The following CTTNBP2 variants were observed in gnomAD, a reference collection of about 807,000 sequenced individuals.
CTTNBP2 encodes the protein cortactin-binding protein 2.
CTTNBP2 carries 108 observed loss-of-function variants against 156.9 expected under a neutral mutation model. That is an observed-to-expected ratio of 0.69 (90% CI 0.59 to 0.81). The LOEUF is 0.81. Among genes scored for constraint, CTTNBP2 ranks in the 30% least tolerant of loss-of-function variants. The pLI is 0.00. For missense variants in CTTNBP2, 1,924 were observed against 2,035.4 expected (o/e 0.95, Z 1.05); for synonymous variants, 767 against 751.8 (o/e 1.02, Z -0.33).
chr7:117,717,162 A>T (rs1794445453), intron 22 of CTTNBP2, among the ~76,000 whole-genome samples: 1 of 152,160 alleles, frequency 6.6e-6, no homozygotes, highest in African/African-American at 2.4e-5. Context: ...TTTATTAACC[A>T]ACTGATAATG....
At chr7:117,858,153 G>A (rs991637330) in intron 2 of CTTNBP2, among the ~76,000 whole-genome samples, 2 of 152,306 alleles carry the variant, frequency 1.3e-5, no homozygotes, top group South Asian at 2.1e-4. Context: ...GGCAGATCAC[G>A]AGGTCAGGAG....
At chr7:117,826,070 A>G (rs1264074282) in intron 2 of CTTNBP2, among the ~76,000 whole-genome samples, 1 of 152,164 alleles carries the variant, frequency 6.6e-6, no homozygotes, top group African/African-American at 2.4e-5. Flanking sequence ...CTTCAATTGC[A>G]TCACATTCCA....
Position 117,725,227 on chromosome 7 carries a change from G to A in CTTNBP2, c.4086C>T (p.Ile1362=), listed in dbSNP as rs749192052. 3.1e-5 allele frequency: 50 copies of A among 1,613,992 alleles called. No homozygotes were observed. The highest frequency in any genetic ancestry group is 4.0e-5 in the Non-Finnish European group (47 of 1,180,006). The stretch of plus-strand genomic sequence containing the variant: ...ATATTGCTTCTTGAACTCTGGGTGC[G>A]ATGACGCCATTCCACAGCTTAGACA... ...KWMSKLWNGV[I]APRVQEAILS... is the part of the protein sequence containing the mutation. Residue 1362 remains isoleucine (I), a synonymous_variant, in exon 18 of 23, where the codon ATC becomes ATT. Coordinates refer to ENST00000160373, the MANE Select transcript of CTTNBP2 (RefSeq NM_033427.3).
chr7:117,841,741 C>T (rs554985456), intron 2 of CTTNBP2, among the ~76,000 whole-genome samples: 1 of 152,338 alleles, frequency 6.6e-6, no homozygotes, highest in Admixed American at 6.5e-5. Context: ...CATGATTATA[C>T]AGGCAGAGAC....
chr7:117,712,739 C>CT (rs1253770905), intron 22 of CTTNBP2, among the ~76,000 whole-genome samples: 2 of 152,172 alleles, frequency 1.3e-5, no homozygotes, highest in Non-Finnish European at 2.9e-5. Flanking sequence ...TTGGAATCAC[C>CT]TGGGGGAGCT....
At chr7:117,859,392 AG>A in intron 2 of CTTNBP2, among the ~76,000 whole-genome samples, 1 of 152,358 alleles carries the variant, frequency 6.6e-6, no homozygotes, top group African/African-American at 2.4e-5. Flanking sequence ...GTGGTTGCTA[AG>A]GTGATACATA....
At chr7:117,726,292 A>G (rs1795092582) in intron 17 of CTTNBP2, among the ~76,000 whole-genome samples, 1 of 152,240 alleles carries the variant, frequency 6.6e-6, no homozygotes, top group African/African-American at 2.4e-5. Context: ...GACATTGCAT[A>G]AAACTTTCAA....
rs756468053 is a variant in CTTNBP2, at chr7:117,715,210, G to A, written c.4746+2808C>T. Among the ~76,000 whole-genome samples the A allele has an allele frequency of 3.3e-5, 5 of 152,092 alleles. No homozygotes were observed. In the East Asian group the frequency reaches 5.8e-4, roughly 18 times the overall value. ...CTTTAAAGAGGCACAGGACTGTGAC[G>A]AGAGAAGGTTCTATGGGGAGGAGTA... On this transcript the variant is annotated intron_variant, in intron 22 of 22. Transcript: ENST00000160373.
intron 2 of CTTNBP2, among the ~76,000 whole-genome samples, chr7:117,831,764 C>T (rs1177761715): frequency 6.6e-6 from 1 of 151,964 alleles, no homozygotes; most frequent in Non-Finnish European, 1.5e-5. Context: ...CCACCCTTAT[C>T]CTCCTCGTGA....
intron 1 of CTTNBP2, among the ~76,000 whole-genome samples, chr7:117,864,418 C>T (rs1036658384): frequency 2.0e-5 from 3 of 151,786 alleles, no homozygotes; most frequent in Admixed American, 1.3e-4. Flanking sequence ...TCCTGGCCTT[C>T]CATAGTACAA....
intron 14 of CTTNBP2, among the ~76,000 whole-genome samples, chr7:117,737,262 G>A (rs985279378): frequency 2.0e-5 from 3 of 152,032 alleles, no homozygotes; most frequent in African/African-American, 7.2e-5. Flanking sequence ...ATCCGTAGTT[G>A]GTGAAAACAA....
chr7:117,711,445 ACATTTTAT>A lies in CTTNBP2; in HGVS notation c.*84_*91del, dbSNP rs1363800814. The A allele has an allele frequency of 2.7e-5, 37 of 1,374,456 alleles. No homozygotes were observed. Among genetic ancestry groups the A allele is most frequent in the Non-Finnish European group, 3.7e-5 (37 of 1,011,368 alleles). 85.1% of individuals were successfully genotyped at this position (1,374,456 alleles called of 1,614,324 possible). A position where few individuals can be genotyped will look rare whatever the true frequency, so the allele number is the denominator to read the frequency against. On this transcript the variant is annotated 3_prime_UTR_variant, in exon 23 of 23. Transcript: ENST00000160373. ...ACTCATAATTTATATTACAGTGAAAACATTTTATCAATTTAAAGGTATTTGTATCTTGT... is the reference window on the plus strand; with the variant it reads ...ACTCATAATTTATATTACAGTGAAAACAATTTAAAGGTATTTGTATCTTGT...
intron 17 of CTTNBP2, among the ~76,000 whole-genome samples, chr7:117,727,385 G>C (rs1461571615): frequency 1.3e-5 from 2 of 151,932 alleles, no homozygotes; most frequent in Admixed American, 1.3e-4. Flanking sequence ...AATAGAGATG[G>C]GGTCTCACTA....
intron 2 of CTTNBP2, among the ~76,000 whole-genome samples, chr7:117,832,267 C>A (rs761554104): frequency 3.3e-5 from 5 of 152,126 alleles, no homozygotes; most frequent in Non-Finnish European, 7.4e-5. Context: ...TCCATCCCAG[C>A]CGCCACCATG....
chr7:117,873,285 C>G, intron 1 of CTTNBP2, 50 bp downstream of exon 1: 1 of 1,304,934 alleles, frequency 7.7e-7, no homozygotes, highest in Non-Finnish European at 9.8e-7. Flanking sequence ...CGGCGCCGCC[C>G]CCGGCCCGCG....
At chr7:117,802,806 G>T (rs935368595) in intron 3 of CTTNBP2, among the ~76,000 whole-genome samples, 10 of 152,130 alleles carry the variant, frequency 6.6e-5, no homozygotes, top group African/African-American at 2.4e-4. Context: ...TAATATCAGA[G>T]AAATGCAAAT....
chr7:117,731,392 T>C (rs544785708), intron 16 of CTTNBP2, among the ~76,000 whole-genome samples: 1 of 152,146 alleles, frequency 6.6e-6, no homozygotes, highest in African/African-American at 2.4e-5. Context: ...GAATAATGCC[T>C]CCTGAATAAA....
chr7:117,738,869 G>A lies in CTTNBP2; in HGVS notation c.3536-3448C>T, dbSNP rs546074943. Among the ~76,000 whole-genome samples the A allele has an allele frequency of 1.2e-4, 19 of 152,204 alleles. No homozygotes were observed. The South Asian group carries it at 3.9e-3, about 32-fold the overall frequency. ...AAGAGGCAATATGCTCATTCTCCTGGGTCCTCAAGCAAATACTATATTGCT... is the reference window on the plus strand; with the variant it reads ...AAGAGGCAATATGCTCATTCTCCTGAGTCCTCAAGCAAATACTATATTGCT... On this transcript the variant is annotated intron_variant, in intron 14 of 22. Transcript: ENST00000160373.
At chr7:117,803,760 A>G (rs531199047) in intron 3 of CTTNBP2, among the ~76,000 whole-genome samples, 136 of 152,130 alleles carry the variant, frequency 8.9e-4, no homozygotes, top group Non-Finnish European at 1.3e-3. Context: ...GGAAACCAGA[A>G]AAGGCTACTG....
Sources: allele counts gnomAD v4.1 joint callset (sites outside exome capture counted in the v4.1 genomes callset), GRCh38; gene constraint gnomAD v4.1.1; transcripts MANE v1.5; gene names NCBI Gene and HGNC (gene_info 2026-07-23, HGNC 2026-07-21).